The following HDAC4 variants were observed in gnomAD, a reference collection of about 807,000 sequenced individuals.
HDAC4 encodes histone deacetylase A.
Under a neutral mutation model 135.1 loss-of-function variants are expected in HDAC4, and 16 were observed. The ratio of observed to expected loss-of-function variants is 0.12; its 90% CI spans 0.08 to 0.18. HDAC4 has a LOEUF of 0.18. Among genes scored for constraint, HDAC4 ranks in the 10% least tolerant of loss-of-function variants. The pLI is 1.00. For missense variants in HDAC4, 1,143 were observed against 1,511.8 expected (o/e 0.76, Z 4.05); for synonymous variants, 685 against 653.4 (o/e 1.05, Z -0.74).
At position 239,189,899 on chromosome 2, in the gene HDAC4, A is replaced by G. The variant is rs2044803318; in HGVS notation, c.273T>C (p.Ala91=). ...GCTGCTCGTGCTGCCTCTGGAACTC[A>G]GCGATGAGGATCTGCCTCTGGATCT... is the stretch of plus-strand genomic sequence containing the variant. The part of the protein sequence containing the change: ...KQQIQRQILI[A]EFQRQHEQLS... The change falls in exon 4 of 27, where the codon GCT becomes GCC. Residue 91 remains alanine, a synonymous_variant. Transcript: ENST00000543185. 1.2e-6 allele frequency: 2 copies of G among 1,611,004 alleles called. No homozygotes were observed. Among genetic ancestry groups the G allele is most frequent in the African/African-American group, 2.7e-5 (2 of 74,844 alleles).
At chr2:239,269,034 A>AG (rs2049903852) in intron 2 of HDAC4, among the ~76,000 whole-genome samples, 1 of 152,222 alleles carries the variant, frequency 6.6e-6, no homozygotes, top group African/African-American at 2.4e-5. Flanking sequence ...ACCATTGGAA[A>AG]CGTTCAATTA....
At position 239,115,195 on chromosome 2, in the gene HDAC4, G is replaced by A. The variant is rs151167488; in HGVS notation, c.1649C>T (p.Pro550Leu). The change falls in exon 13 of 27, where the codon CCG becomes CTG. Residue 550 changes from proline to leucine, a missense_variant. This residue lies in a region of HDAC4 where 196 missense variants were observed against 210.7 expected (regional missense o/e 0.93). Coordinates refer to ENST00000543185, the MANE Select transcript of HDAC4 (RefSeq NM_001378414.1). The surrounding 1 kb of genome is among the most constrained non-coding windows in gnomAD (Gnocchi z 6.3). Reference sequence around the variant, plus strand: ...CTGTGCGTGCGCCTCCTTCTGCCCCGGCAGCCGGTCCAGGTAGGGCTCGTC... The same window carrying A: ...CTGTGCGTGCGCCTCCTTCTGCCCCAGCAGCCGGTCCAGGTAGGGCTCGTC... ...LLDEPYLDRL[P>L]GQKEAHAQAG... 5.3e-5 allele frequency: 86 copies of A among 1,611,242 alleles called. No homozygotes were observed. The highest frequency in any genetic ancestry group is 3.3e-4 in the Middle Eastern group (2 of 6,060).
At chr2:239,156,614 AG>A in intron 7 of HDAC4, 37 bp downstream of exon 7, 1 of 1,613,868 alleles carries the variant, frequency 6.2e-7, no homozygotes. Flanking sequence ...GTGCCCGTGC[AG>A]GAGACCTCCC....
At position 239,146,567 on chromosome 2, in the gene HDAC4, G is replaced by C. The variant is rs1357169707; in HGVS notation, c.734-1853C>G. Among the ~76,000 whole-genome samples the C allele has an allele frequency of 6.6e-6, 1 of 152,142 alleles. No individual in the cohort carries two copies. The highest frequency in any genetic ancestry group is 2.4e-5 in the African/African-American group (1 of 41,440). On this transcript the variant is annotated intron_variant, in intron 7 of 26. Transcript: ENST00000543185. The surrounding 1 kb of genome is among the most constrained non-coding windows in gnomAD (Gnocchi z 4.5). ...GTGCACCGCCTCCCCCAGGCCCTGT[G>C]GGGGTCATCACGCTGCCACCAGGTC...
At chr2:239,216,785 G>A (rs552260510) in intron 3 of HDAC4, among the ~76,000 whole-genome samples, 31 of 152,268 alleles carry the variant, frequency 2.0e-4, no homozygotes, top group South Asian at 6.2e-4. Context: ...TCCCTGTGCC[G>A]GGATGGGAGT....
chr2:239,189,257 A>G (rs925977692), intron 4 of HDAC4, among the ~76,000 whole-genome samples: 7 of 152,236 alleles, frequency 4.6e-5, no homozygotes, highest in Non-Finnish European at 8.8e-5. Flanking sequence ...TGCCAACTAT[A>G]TAACTTTGCT....
chr2:239,290,639 GCACA>G (rs556734043), intron 2 of HDAC4, among the ~76,000 whole-genome samples: 3 of 152,104 alleles, frequency 2.0e-5, no homozygotes, highest in Admixed American at 6.5e-5. Context: ...ACACATGTAC[GCACA>G]CACAACCACA....
chr2:239,274,727 G>A (rs1464238774), intron 2 of HDAC4, among the ~76,000 whole-genome samples: 1 of 152,128 alleles, frequency 6.6e-6, no homozygotes, highest in East Asian at 1.9e-4. Flanking sequence ...AGCTGTCACC[G>A]TGACTCAACG....
chr2:239,258,336 G>A (rs2049160200), intron 2 of HDAC4, among the ~76,000 whole-genome samples: 1 of 151,602 alleles, frequency 6.6e-6, no homozygotes, highest in African/African-American at 2.4e-5. Context: ...ACGTCTGAAA[G>A]GACCCTGGCC....
At chr2:239,096,685 C>A (rs1389744893) in intron 16 of HDAC4, among the ~76,000 whole-genome samples, 1 of 73,610 alleles carries the variant, frequency 1.4e-5, no homozygotes, top group Non-Finnish European at 2.5e-5. Flanking sequence ...GACGCCAGCA[C>A]CCCCCACAGA....
chr2:239,150,840 A>G (rs1457674097), intron 7 of HDAC4, among the ~76,000 whole-genome samples: 1 of 151,518 alleles, frequency 6.6e-6, no homozygotes, highest in East Asian at 1.9e-4. Flanking sequence ...ACACCTTCAC[A>G]TACAGCAGCA....
At chr2:239,381,989 C>T (rs1398995040) in intron 1 of HDAC4, among the ~76,000 whole-genome samples, 1 of 152,246 alleles carries the variant, frequency 6.6e-6, no homozygotes, top group Admixed American at 6.5e-5. Flanking sequence ...CAGGGCAACA[C>T]AGTCCCAGTT....
intron 7 of HDAC4, among the ~76,000 whole-genome samples, chr2:239,150,533 C>T (rs944530785): frequency 1.3e-5 from 2 of 152,252 alleles, no homozygotes; most frequent in Non-Finnish European, 2.9e-5. Flanking sequence ...GATACAGCAG[C>T]AGGAAGTCTC....
intron 2 of HDAC4, among the ~76,000 whole-genome samples, chr2:239,344,172 C>T (rs981062256): frequency 1.3e-5 from 2 of 152,182 alleles, no homozygotes; most frequent in Middle Eastern, 3.2e-3. Flanking sequence ...TGTCCACGTG[C>T]GACCTGCCCC....
chr2:239,297,535 G>A (rs1035442392), intron 2 of HDAC4, among the ~76,000 whole-genome samples: 11 of 152,328 alleles, frequency 7.2e-5, no homozygotes, highest in African/African-American at 2.2e-4. Flanking sequence ...ACTGTGGAGC[G>A]GTGCTGTGCT....
chr2:239,257,353 A>T (rs2049108959), intron 2 of HDAC4, among the ~76,000 whole-genome samples: 1 of 148,858 alleles, frequency 6.7e-6, no homozygotes, highest in Admixed American at 6.7e-5. Flanking sequence ...CTACTAAGTT[A>T]AAAAAAAACA....
intron 3 of HDAC4, among the ~76,000 whole-genome samples, chr2:239,196,975 C>A (rs899937): frequency 2.6e-5 from 4 of 151,958 alleles, no homozygotes; most frequent in African/African-American, 9.7e-5. Context: ...CAGGCGCTCC[C>A]TCTGTCTGCA....
intron 12 of HDAC4, among the ~76,000 whole-genome samples, chr2:239,125,225 C>T (rs571880110): frequency 3.3e-5 from 5 of 152,322 alleles, no homozygotes; most frequent in Admixed American, 6.5e-5. Context: ...TTGGCATGAA[C>T]GGCTGAACAC....
intron 2 of HDAC4, among the ~76,000 whole-genome samples, chr2:239,350,393 A>G (rs1201504389): frequency 6.6e-6 from 1 of 152,204 alleles, no homozygotes. Flanking sequence ...GACAGAAAAA[A>G]ATAAGTAAAG....
Sources: allele counts gnomAD v4.1 joint callset (sites outside exome capture counted in the v4.1 genomes callset), GRCh38; gene constraint gnomAD v4.1.1; regional missense constraint gnomAD v4.1.1; non-coding constraint Gnocchi (gnomAD v3.1); transcripts MANE v1.5; gene names NCBI Gene and HGNC (gene_info 2026-07-23, HGNC 2026-07-21).